Variants in NDUFA10 observed in about 807,000 individuals in gnomAD.
NDUFA10 encodes the protein NADH:ubiquinone oxidoreductase subunit A10, also known as NADH dehydrogenase [ubiquinone] 1 alpha subcomplex subunit 10, mitochondrial.
In NDUFA10, 40 loss-of-function variants were observed where a neutral mutation model predicts 47.8. The ratio of observed to expected loss-of-function variants is 0.84; its 90% CI spans 0.65 to 1.09. The LOEUF (loss-of-function observed/expected upper bound fraction) is 1.09. Among genes scored for constraint, NDUFA10 ranks in the 50% least tolerant of loss-of-function variants. NDUFA10 has a pLI of 0.00. For synonymous variants in NDUFA10, 183 were observed against 172.2 expected (o/e 1.06, Z -0.49); for missense variants, 413 against 451.1 (o/e 0.92, Z 0.76).
chr2:239,942,508 C>G (rs1694375523), intron 4 of NDUFA10, among the ~76,000 whole-genome samples: 1 of 152,260 alleles, frequency 6.6e-6, no homozygotes, highest in Non-Finnish European at 1.5e-5. Context: ...GTTCTGTTTG[C>G]TTCCTGAGGT....
intron 8 of NDUFA10, among the ~76,000 whole-genome samples, chr2:240,002,330 C>CAAAAAAAAAAAAAAAAAA (rs61475593): frequency 2.4e-5 from 2 of 83,750 alleles, no homozygotes; most frequent in East Asian, 6.0e-4. Flanking sequence ...AACTCTGACT[C>CAAAAAAAAAAAAAAAAAA]AAAAAAAAAA....
intron 4 of NDUFA10, among the ~76,000 whole-genome samples, chr2:239,934,871 A>ACC (rs1694238720): frequency 6.6e-6 from 1 of 151,936 alleles, no homozygotes; most frequent in Admixed American, 6.6e-5. Flanking sequence ...AACTCAGACA[A>ACC]CCCCACTCCC....
At chr2:239,930,377 C>T (rs1694146580) in intron 4 of NDUFA10, among the ~76,000 whole-genome samples, 1 of 152,064 alleles carries the variant, frequency 6.6e-6, no homozygotes, top group Admixed American at 6.6e-5. Context: ...GCCGTGCATG[C>T]AGATCATCTC....
downstream of NDUFA10, among the ~76,000 whole-genome samples, chr2:239,955,514 A>AC (rs1354058030): frequency 6.6e-6 from 1 of 152,074 alleles, no homozygotes. Context: ...AGTGGTCCAG[A>AC]CCCACTCCCC....
chr2:240,014,542 A>T, intron 5 of NDUFA10, 197 bp downstream of exon 5: 1 of 778,338 alleles, frequency 1.3e-6, no homozygotes, highest in Non-Finnish European at 2.1e-6. Flanking sequence ...GCAGGCCCGC[A>T]GGCTGTGGCA....
At chr2:239,938,413 G>A (rs1694303930) in intron 4 of NDUFA10, among the ~76,000 whole-genome samples, 1 of 152,242 alleles carries the variant, frequency 6.6e-6, no homozygotes, top group East Asian at 1.9e-4. Flanking sequence ...CACACACGGG[G>A]TTTATGCTTT....
intron 4 of NDUFA10, among the ~76,000 whole-genome samples, chr2:239,903,318 G>A (rs775408237): frequency 7.2e-5 from 11 of 152,206 alleles, no homozygotes; most frequent in African/African-American, 2.2e-4. Flanking sequence ...TGTATATTAC[G>A]TTGAGCTCAG....
intron 9 of NDUFA10, among the ~76,000 whole-genome samples, chr2:239,962,980 C>A (rs975207242): frequency 2.6e-5 from 4 of 152,146 alleles, no homozygotes; most frequent in African/African-American, 9.7e-5. Flanking sequence ...CCACCTCCAA[C>A]AGGGGATCAG....
rs933298033 is a variant in NDUFA10, at chr2:239,959,350, G to A, written c.*1768C>T. 15 of 985,320 alleles carry A rather than the reference G, an allele frequency of 1.5e-5. No homozygotes were observed. The highest frequency in any genetic ancestry group is 6.1e-5 in the Admixed American group (1 of 16,268). The allele number at this position is 985,320 out of a possible 1,614,324, so 61.0% of individuals were successfully genotyped here. A position where few individuals can be genotyped will look rare whatever the true frequency, so the allele number is the denominator to read the frequency against. On this transcript the variant is annotated 3_prime_UTR_variant, in exon 10 of 10. Transcript: ENST00000252711. ...GGACACTACCCGTGCAACCACCAAG[G>A]TTGAAGGAAACAGCTAGCTCTTTGC...
At chr2:239,978,958 T>C (rs992842419) in intron 9 of NDUFA10, among the ~76,000 whole-genome samples, 1 of 152,194 alleles carries the variant, frequency 6.6e-6, no homozygotes, top group African/African-American at 2.4e-5. Flanking sequence ...TTAAAAGACA[T>C]GGAGCTCTTT....
In NDUFA10 at chr2:239,931,831, C is replaced by CTTTTTT. The variant is rs35581568; in HGVS notation, c.295-36523_295-36518dup. ...GAGCCGCCCTTCATCTGCACCTCTG[C>CTTTTTT]TTTTTTTTTTTTTTTTTTTTTTGAG... On this transcript the variant is annotated intron_variant, in intron 4 of 5. Transcript: ENST00000419408. Among the ~76,000 whole-genome samples, 59 of 90,172 alleles carry CTTTTTT rather than the reference C, an allele frequency of 6.5e-4. 1 individual carries two copies. Among genetic ancestry groups the CTTTTTT allele is most frequent in the East Asian group, 1.8e-3 (5 of 2,750 alleles). The allele number at this position is 90,172 out of a possible 152,430, so 59.2% of individuals were successfully genotyped here.
At chr2:239,914,247 C>A (rs1574774242) in intron 4 of NDUFA10, among the ~76,000 whole-genome samples, 1 of 146,382 alleles carries the variant, frequency 6.8e-6, no homozygotes, top group South Asian at 2.2e-4. Flanking sequence ...TACACACACA[C>A]AGAACACACA....
At chr2:239,918,611 G>A (rs1485604932) in intron 4 of NDUFA10, among the ~76,000 whole-genome samples, 1 of 152,188 alleles carries the variant, frequency 6.6e-6, no homozygotes, top group Non-Finnish European at 1.5e-5. Flanking sequence ...CTCATCCACA[G>A]ACCCTAAGAA....
intron 4 of NDUFA10, among the ~76,000 whole-genome samples, chr2:239,915,918 A>G: frequency 7.0e-6 from 1 of 143,650 alleles, no homozygotes; most frequent in African/African-American, 2.8e-5. Flanking sequence ...CACACACAGC[A>G]CACACACATA....
At chr2:239,948,810 A>C (rs1574799413) in intron 4 of NDUFA10, among the ~76,000 whole-genome samples, 1 of 152,190 alleles carries the variant, frequency 6.6e-6, no homozygotes, top group South Asian at 2.1e-4. Context: ...TGGGGACTTC[A>C]CCAAGCCTCG....
chr2:240,023,266 C>T (rs1444304060), intron 1 of NDUFA10, among the ~76,000 whole-genome samples: 1 of 151,960 alleles, frequency 6.6e-6, no homozygotes, highest in Non-Finnish European at 1.5e-5. Flanking sequence ...AATAAGAAAA[C>T]AAAGAATAAA....
rs374670482 is a variant in NDUFA10 at position 239,976,785 on chromosome 2, T to C, written c.999+13289A>G. 2.0e-5 allele frequency among the ~76,000 whole-genome samples: 3 copies of C among 152,160 alleles called. No homozygotes were observed. The East Asian group carries it at 5.8e-4, about 29-fold the overall frequency. On this transcript the variant is annotated intron_variant, in intron 9 of 9. Transcript: ENST00000252711. ...CTCCACCATGCGGAGCCAGAAACTATGAGCTGTGGCAGAGGCTGAGAGCGC... is the reference window on the plus strand; with the variant it reads ...CTCCACCATGCGGAGCCAGAAACTACGAGCTGTGGCAGAGGCTGAGAGCGC...
At chr2:239,981,778 T>C (rs1695785248) in intron 9 of NDUFA10, among the ~76,000 whole-genome samples, 1 of 152,222 alleles carries the variant, frequency 6.6e-6, no homozygotes, top group East Asian at 1.9e-4. Context: ...AAGTATATTT[T>C]AAGTTTCTCA....
intron 5 of NDUFA10, chr2:240,012,340 G>A (rs894766401): frequency 1.2e-5 from 2 of 161,082 alleles, no homozygotes; most frequent in Non-Finnish European, 2.7e-5. Context: ...ACCTCTATTT[G>A]ATGTATTTAT....
Sources: gnomAD v4.1 joint callset for allele counts (sites outside exome capture counted in the v4.1 genomes callset) on GRCh38, gnomAD v4.1.1 for gene constraint, MANE v1.5 for transcripts, NCBI Gene and HGNC (gene_info 2026-07-23, HGNC 2026-07-21) for gene names.